The following GRM7 variants were observed in gnomAD, a reference collection of about 807,000 sequenced individuals.
The protein encoded by GRM7 is metabotropic glutamate receptor 7.
GRM7 carries 35 observed loss-of-function variants against 84.5 expected under a neutral mutation model. The ratio of observed to expected loss-of-function variants is 0.41; its 90% CI spans 0.32 to 0.55. The LOEUF (loss-of-function observed/expected upper bound fraction) is 0.55. Ranked by LOEUF, GRM7 falls within the 20% of genes least tolerant of loss-of-function variation. The pLI is 0.19. For missense variants in GRM7, 1,003 were observed against 1,194.6 expected (o/e 0.84, Z 2.36); for synonymous variants, 487 against 455.1 (o/e 1.07, Z -0.89).
intron 1 of GRM7, among the ~76,000 whole-genome samples, chr3:7,122,226 G>T (rs1270194794): frequency 1.3e-5 from 2 of 152,158 alleles, no homozygotes; most frequent in African/African-American, 4.8e-5. Context: ...AAGGTGGCTG[G>T]TAGCAGCCTA....
At chr3:6,977,758 G>T (rs916300181) in intron 1 of GRM7, among the ~76,000 whole-genome samples, 1 of 152,090 alleles carries the variant, frequency 6.6e-6, no homozygotes, top group Non-Finnish European at 1.5e-5. Flanking sequence ...CCAAATGTTG[G>T]GCTTAACATG....
At chr3:7,543,641 C>T (rs1193109394) in intron 7 of GRM7, among the ~76,000 whole-genome samples, 1 of 152,230 alleles carries the variant, frequency 6.6e-6, no homozygotes, top group Admixed American at 6.5e-5. Context: ...GGGAAAGATC[C>T]ATACTTCTGA....
intron 5 of GRM7, among the ~76,000 whole-genome samples, chr3:7,431,386 A>G (rs1293520775): frequency 1.3e-5 from 2 of 152,154 alleles, no homozygotes; most frequent in East Asian, 3.8e-4. Context: ...GCTAGATAAC[A>G]AAGCAATAGT....
intron 2 of GRM7, among the ~76,000 whole-genome samples, chr3:7,253,638 A>T (rs80338064): frequency 8.2e-6 from 1 of 122,650 alleles, no homozygotes; most frequent in Non-Finnish European, 1.8e-5. Context: ...AAAAAAAAAA[A>T]ATCACTAAAT....
At chr3:7,610,383 T>TGGTTCCA (rs1487220825) in intron 8 of GRM7, among the ~76,000 whole-genome samples, 2 of 152,194 alleles carry the variant, frequency 1.3e-5, no homozygotes, top group Admixed American at 1.3e-4. Flanking sequence ...CTGCTGTCAT[T>TGGTTCCA]GGTTCCAGAC....
chr3:7,103,766 CTTT>C (rs1699193108), intron 1 of GRM7, among the ~76,000 whole-genome samples: 25 of 61,082 alleles, frequency 4.1e-4, no homozygotes, highest in African/African-American at 2.5e-3. Context: ...TTCTTTCTTT[CTTT>C]CTTTCTTTCT....
At chr3:7,652,159 A>ATGAC (rs1401237639) in intron 8 of GRM7, among the ~76,000 whole-genome samples, 1 of 152,230 alleles carries the variant, frequency 6.6e-6, no homozygotes, top group Non-Finnish European at 1.5e-5. Flanking sequence ...TTTATCCAGA[A>ATGAC]TGACTATGAA....
chr3:7,021,593 T>A (rs574376482), intron 1 of GRM7, among the ~76,000 whole-genome samples: 2 of 152,280 alleles, frequency 1.3e-5, no homozygotes, highest in Admixed American at 1.3e-4. Context: ...ACTAAAGAGG[T>A]GAACCCTACC....
At chr3:7,051,404 A>G (rs916313785) in intron 1 of GRM7, among the ~76,000 whole-genome samples, 1 of 151,786 alleles carries the variant, frequency 6.6e-6, no homozygotes, top group African/African-American at 2.4e-5. Context: ...CTGTCAGAAA[A>G]ATAAAAAAAA....
At chr3:6,982,700 T>A (rs548683308) in intron 1 of GRM7, among the ~76,000 whole-genome samples, 2 of 152,316 alleles carry the variant, frequency 1.3e-5, no homozygotes, top group South Asian at 4.1e-4. Context: ...CACTATAGTC[T>A]TGTCCTTTTG....
chr3:7,681,601 C>G (rs1386451339), intron 9 of GRM7: 2 of 152,160 alleles, frequency 1.3e-5, no homozygotes, highest in Admixed American at 6.5e-5. Flanking sequence ...AAGGAACATA[C>G]TGAGAAGGGA....
chr3:7,064,471 T>C (rs1269743590), intron 1 of GRM7, among the ~76,000 whole-genome samples: 1 of 98,656 alleles, frequency 1.0e-5, no homozygotes, highest in East Asian at 2.5e-4. Flanking sequence ...TACATATATA[T>C]ATATATATAC....
chr3:7,046,472 A>T (rs1462832608), intron 1 of GRM7, among the ~76,000 whole-genome samples: 3 of 152,120 alleles, frequency 2.0e-5, no homozygotes, highest in Non-Finnish European at 4.4e-5. Flanking sequence ...ATGTTAATAT[A>T]GTGGGACAAT....
chr3:7,426,927 G>A (rs1696633458), intron 5 of GRM7, among the ~76,000 whole-genome samples: 1 of 152,190 alleles, frequency 6.6e-6, no homozygotes, highest in Non-Finnish European at 1.5e-5. Context: ...TGATCAGATT[G>A]GAGGAGAAGA....
intron 8 of GRM7, among the ~76,000 whole-genome samples, chr3:7,619,933 T>C (rs1448121917): frequency 6.6e-6 from 1 of 152,168 alleles, no homozygotes; most frequent in African/African-American, 2.4e-5. Context: ...CAATGACGTT[T>C]TTCTTAAAAT....
chr3:7,338,644 A>G (rs1243885852), intron 4 of GRM7, among the ~76,000 whole-genome samples: 1 of 152,134 alleles, frequency 6.6e-6, no homozygotes, highest in Non-Finnish European at 1.5e-5. Context: ...TCGCCCTTTG[A>G]AGTTCACACC....
chr3:7,008,609 A>G (rs933637845), intron 1 of GRM7, among the ~76,000 whole-genome samples: 1 of 152,210 alleles, frequency 6.6e-6, no homozygotes, highest in African/African-American at 2.4e-5. Context: ...TTGGTTTGCA[A>G]AGAAAGAAGA....
intron 4 of GRM7, among the ~76,000 whole-genome samples, chr3:7,357,974 C>T (rs1262042408): frequency 2.6e-5 from 4 of 152,036 alleles, no homozygotes; most frequent in East Asian, 1.9e-4. Flanking sequence ...CTGCCTGGTC[C>T]CTGCAGGCAT....
At chr3:6,997,443 C>A (rs1041981840) in intron 1 of GRM7, among the ~76,000 whole-genome samples, 1 of 152,154 alleles carries the variant, frequency 6.6e-6, no homozygotes, top group Non-Finnish European at 1.5e-5. Flanking sequence ...ACATGTCCTT[C>A]TTCACATGAC....
Sources: allele counts gnomAD v4.1 joint callset (sites outside exome capture counted in the v4.1 genomes callset), GRCh38; gene constraint gnomAD v4.1.1; transcripts MANE v1.5; gene names NCBI Gene and HGNC (gene_info 2026-07-23, HGNC 2026-07-21).